CTXND1: variants seen among roughly 807,000 people sequenced by gnomAD.
CTXND1 encodes the protein cortexin domain containing 1.
At chr15:80,220,099 CATCT>C (rs3974511) in intron 1 of CTXND1, among the ~76,000 whole-genome samples, 9,095 of 146,482 alleles carry the variant, frequency 0.062, 347 homozygotes, top group Admixed American at 0.077. Context: ...AATATACTCT[CATCT>C]ATCTATCTAT....
At chr15:80,246,724 A>G (rs944801804) in intron 1 of CTXND1, among the ~76,000 whole-genome samples, 1 of 152,206 alleles carries the variant, frequency 6.6e-6, no homozygotes, top group Non-Finnish European at 1.5e-5. Context: ...TTTAGACTCT[A>G]ATGTTTATCG....
rs1256584043 is a variant in CTXND1, at chr15:80,196,631, T to A, written c.*5139A>T. On this transcript the variant is annotated 3_prime_UTR_variant, in exon 3 of 3. Transcript: ENST00000560778. ...AGACAATATGGCTGCTGGTGAGATT[T>A]TATGTTTCCCCTGTGCCGGGGACAA... 3 of 152,232 alleles carry A rather than the reference T, an allele frequency of 2.0e-5. No individual in the cohort carries two copies. The highest frequency in any genetic ancestry group is 6.5e-5 in the Admixed American group (1 of 15,280). The allele number at this position is 152,232 out of a possible 1,614,324, so 9.4% of individuals were successfully genotyped here.
intron 1 of CTXND1, among the ~76,000 whole-genome samples, chr15:80,204,624 T>G (rs1448090153): frequency 2.8e-5 from 4 of 145,174 alleles, no homozygotes; most frequent in African/African-American, 1.0e-4. Context: ...TCATTTTTTT[T>G]AAGGTCCGAA....
chr15:80,246,473 C>T (rs890551403), intron 1 of CTXND1, among the ~76,000 whole-genome samples: 5 of 152,236 alleles, frequency 3.3e-5, no homozygotes, highest in Non-Finnish European at 4.4e-5. Flanking sequence ...GAAGCTTTGG[C>T]TACTGGCAGT....
At chr15:80,237,321 C>T (rs1010409073) in intron 1 of CTXND1, among the ~76,000 whole-genome samples, 3 of 129,430 alleles carry the variant, frequency 2.3e-5, no homozygotes, top group Non-Finnish European at 4.6e-5. Context: ...GGCGACAGAG[C>T]GAGACAGTGT....
At chr15:80,223,284 C>T (rs1249309162) in intron 1 of CTXND1, among the ~76,000 whole-genome samples, 2 of 152,014 alleles carry the variant, frequency 1.3e-5, no homozygotes, top group South Asian at 2.1e-4. Flanking sequence ...CTTGAACTCC[C>T]GACCTCAGGT....
At chr15:80,221,684 G>A (rs139363241) in intron 1 of CTXND1, among the ~76,000 whole-genome samples, 2 of 152,168 alleles carry the variant, frequency 1.3e-5, no homozygotes, top group Non-Finnish European at 2.9e-5. Context: ...GCTTCTAAAG[G>A]TGACAGTTTA....
intron 1 of CTXND1, among the ~76,000 whole-genome samples, chr15:80,204,715 G>T (rs1893130586): frequency 6.9e-6 from 1 of 145,258 alleles, no homozygotes; most frequent in Non-Finnish European, 1.5e-5. Flanking sequence ...GGACACTCAG[G>T]TTGTTTTCAC....
At chr15:80,243,166 A>G (rs1406878984) in intron 1 of CTXND1, among the ~76,000 whole-genome samples, 1 of 152,094 alleles carries the variant, frequency 6.6e-6, no homozygotes, top group African/African-American at 2.4e-5. Flanking sequence ...GCTGCCAGCC[A>G]GGCCCAGCTT....
At position 80,215,691 on chromosome 15, in the gene CTXND1, T is replaced by C. The variant is rs139423364; in HGVS notation, c.-217-11951A>G. 2.5e-3 allele frequency among the ~76,000 whole-genome samples: 386 copies of C among 152,232 alleles called. 2 individuals are homozygous for C. The highest frequency in any genetic ancestry group is 4.3e-3 in the Non-Finnish European group (295 of 68,014). Reference sequence around the variant, plus strand: ...TTATCTGGCCTCCAGGATGGCTGGATTGGAAACTGTCCTAGGATCCACAGC... The same window carrying C: ...TTATCTGGCCTCCAGGATGGCTGGACTGGAAACTGTCCTAGGATCCACAGC... On this transcript the variant is annotated intron_variant, in intron 1 of 2. Coordinates refer to ENST00000560778, the MANE Select transcript of CTXND1 (RefSeq NM_001352888.2).
At chr15:80,246,004 T>C (rs1286614875) in intron 1 of CTXND1, among the ~76,000 whole-genome samples, 2 of 152,180 alleles carry the variant, frequency 1.3e-5, no homozygotes. Context: ...AATACTAACA[T>C]GGTAATTATG....
intron 1 of CTXND1, among the ~76,000 whole-genome samples, chr15:80,209,475 G>A (rs1893182717): frequency 6.6e-6 from 1 of 152,212 alleles, no homozygotes; most frequent in Admixed American, 6.5e-5. Flanking sequence ...TGCAGCAGCT[G>A]GAGGTGGATT....
chr15:80,227,468 CGGCTATATAAG>C (rs1567132555), intron 1 of CTXND1, among the ~76,000 whole-genome samples: 1 of 152,064 alleles, frequency 6.6e-6, no homozygotes, highest in African/African-American at 2.4e-5. Flanking sequence ...AGTAGACATC[CGGCTATATAAG>C]GGCTTATTAT....
chr15:80,227,461 A>G (rs1459350730), intron 1 of CTXND1, among the ~76,000 whole-genome samples: 1 of 152,180 alleles, frequency 6.6e-6, no homozygotes, highest in Non-Finnish European at 1.5e-5. Context: ...CTCCTCAAGT[A>G]GACATCCGGC....
chr15:80,219,252 C>A (rs1893287072), intron 1 of CTXND1, among the ~76,000 whole-genome samples: 1 of 152,000 alleles, frequency 6.6e-6, no homozygotes. Flanking sequence ...AGCCTATTTT[C>A]TGTGGTTTTT....
chr15:80,231,258 G>A (rs1893425603), intron 1 of CTXND1, among the ~76,000 whole-genome samples: 2 of 151,916 alleles, frequency 1.3e-5, no homozygotes, highest in Non-Finnish European at 2.9e-5. Flanking sequence ...AGCCCTCAAT[G>A]CTCCCTCATT....
chr15:80,241,532 T>C (rs1434305995), intron 1 of CTXND1, among the ~76,000 whole-genome samples: 1 of 152,158 alleles, frequency 6.6e-6, no homozygotes, highest in African/African-American at 2.4e-5. Flanking sequence ...AGAAACATGC[T>C]CAGACATGTA....
chr15:80,238,477 A>G (rs1401544303), intron 1 of CTXND1, among the ~76,000 whole-genome samples: 1 of 150,594 alleles, frequency 6.6e-6, no homozygotes, highest in Non-Finnish European at 1.5e-5. Context: ...ACTTTGCCCA[A>G]CCATGTTTGT....
chr15:80,225,097 G>A (rs906512183), intron 1 of CTXND1, among the ~76,000 whole-genome samples: 1 of 152,186 alleles, frequency 6.6e-6, no homozygotes, highest in Non-Finnish European at 1.5e-5. Flanking sequence ...TATACGTGAA[G>A]TGTTGTTTTG....
Sources: gnomAD v4.1 joint callset for allele counts (sites outside exome capture counted in the v4.1 genomes callset) on GRCh38, gnomAD v4.1.1 for gene constraint, MANE v1.5 for transcripts, NCBI Gene and HGNC (gene_info 2026-07-23, HGNC 2026-07-21) for gene names.